Variants in CAPN11 observed in about 807,000 individuals in gnomAD.
CAPN11 encodes calpain-11.
A neutral mutation model predicts 105.3 loss-of-function variants in CAPN11; 108 were observed. The ratio of observed to expected loss-of-function variants is 1.03; its 90% confidence interval spans 0.88 to 1.20. The LOEUF is 1.20. CAPN11 is among the 50% of genes most tolerant of loss of function. CAPN11 has a pLI of 0.00. For missense variants in CAPN11, 883 were observed against 924.8 expected, an observed-to-expected ratio of 0.95 and a Z score of 0.59; for synonymous variants, 329 against 344.5, an observed-to-expected ratio of 0.96 and a Z score of 0.50.
chr6:44,183,256 C>A, intron 21 of CAPN11, 21 bp downstream of exon 21: 1 of 1,511,786 alleles, frequency 6.6e-7, no homozygotes, highest in African/African-American at 1.4e-5. Flanking sequence ...CATCTACCCA[C>A]TCCCCAGCCT....
rs1774187460 is a variant in CAPN11, at chr6:44,183,887, C to T, written c.2194-19C>T. 6.4e-7 allele frequency: 1 copy of T among 1,561,454 alleles called. No individual in the cohort carries two copies. The highest frequency in any genetic ancestry group is 2.4e-5 in the East Asian group (1 of 41,870). ...CCCCCGTCTCTTCCCACCCTGGGAT[C>T]TGCTTCCTGTCTCCACAGTGGCTGC... is the stretch of plus-strand genomic sequence containing the variant. On this transcript the variant is annotated intron_variant, in intron 22 of 22. Transcript: ENST00000398776.
At chr6:44,183,374 G>A (rs1000789100) in intron 21 of CAPN11, 139 bp downstream of exon 21, 14 of 643,002 alleles carry the variant, frequency 2.2e-5, no homozygotes, top group African/African-American at 3.6e-5. Flanking sequence ...GCCCAGCTCC[G>A]CCACTTGCTG....
At chr6:44,169,595 A>T (rs1770615868) in intron 3 of CAPN11, 64 bp downstream of exon 3, 1 of 1,440,578 alleles carries the variant, frequency 6.9e-7, no homozygotes, top group Non-Finnish European at 9.2e-7. Flanking sequence ...TCCCTCTATC[A>T]CTTTTAGAAT....
chr6:44,159,203 G>A (rs986424901), intron 1 of CAPN11, among the ~76,000 whole-genome samples: 1 of 152,194 alleles, frequency 6.6e-6, no homozygotes, highest in Non-Finnish European at 1.5e-5. Flanking sequence ...CCACTGTCAT[G>A]GCTGCTGGGG....
intron 12 of CAPN11, among the ~76,000 whole-genome samples, chr6:44,178,756 A>T (rs1208326432): frequency 6.6e-6 from 1 of 150,924 alleles, no homozygotes; most frequent in Non-Finnish European, 1.5e-5. Flanking sequence ...CGATTAAAAA[A>T]AAAAAAAAAA....
intron 7 of CAPN11, among the ~76,000 whole-genome samples, chr6:44,174,556 A>G (rs1292587942): frequency 6.6e-6 from 1 of 150,636 alleles, no homozygotes; most frequent in African/African-American, 2.4e-5. Context: ...CTGAGAAAAA[A>G]GAAAAAAAAA....
Position 44,182,818 on chromosome 6 carries a change from C to G in CAPN11, c.1939-123C>G, listed in dbSNP as rs1053406794. On this transcript the variant is annotated intron_variant, in intron 19 of 22. Transcript: ENST00000398776. ...CAAACTCCTGACCTCAGATGATCCG[C>G]CTGCCTCGGCCTTTCAAAGTGCTGG... The G allele has an allele frequency of 1.8e-5, 12 of 682,116 alleles. No homozygotes were observed. In the African/African-American group the frequency reaches 2.1e-4, roughly 12 times the overall value. The allele number at this position is 682,116 out of a possible 1,614,324, so 42.3% of individuals were successfully genotyped here.
At chr6:44,177,095 A>G (rs1473382804) in intron 11 of CAPN11, 97 bp downstream of exon 11, 2 of 1,489,430 alleles carry the variant, frequency 1.3e-6, no homozygotes, top group East Asian at 2.3e-5. Flanking sequence ...CACCGGAGTC[A>G]GGGTCCATGA....
At chr6:44,161,318 G>C (rs960799292) in intron 1 of CAPN11, among the ~76,000 whole-genome samples, 8 of 152,048 alleles carry the variant, frequency 5.3e-5, no homozygotes, top group African/African-American at 1.9e-4. Context: ...TCCTGCCTCA[G>C]CCTCCTGAAT....
At chr6:44,163,138 C>G (rs1475109684) in intron 1 of CAPN11, among the ~76,000 whole-genome samples, 1 of 152,162 alleles carries the variant, frequency 6.6e-6, no homozygotes, top group Non-Finnish European at 1.5e-5. Context: ...TCCTGAAACA[C>G]CCTCGCAGGT....
At chr6:44,177,180 C>G in intron 11 of CAPN11, 62 bp from the exon 12 acceptor site, 2 of 1,523,438 alleles carry the variant, frequency 1.3e-6, no homozygotes, top group South Asian at 2.5e-5. Flanking sequence ...CTCGGTCCAC[C>G]CTGGGAAGGG....
At chr6:44,170,518 T>C (rs1439355334) in intron 4 of CAPN11, among the ~76,000 whole-genome samples, 2 of 152,136 alleles carry the variant, frequency 1.3e-5, no homozygotes, top group Non-Finnish European at 2.9e-5. Flanking sequence ...GCTGCTTGAG[T>C]GTCCACGCAA....
chr6:44,161,213 G>GT (rs1351395955), intron 1 of CAPN11, among the ~76,000 whole-genome samples: 1 of 143,066 alleles, frequency 7.0e-6, no homozygotes, highest in Non-Finnish European at 1.5e-5. Context: ...TTGTTTGTTT[G>GT]TTTTGAGGTG....
intron 7 of CAPN11, among the ~76,000 whole-genome samples, chr6:44,175,104 A>G (rs1255242677): frequency 6.6e-6 from 1 of 152,216 alleles, no homozygotes; most frequent in Admixed American, 6.5e-5. Context: ...GAAACTACAC[A>G]TAATGGAATT....
rs1772875395 is a variant in CAPN11, at chr6:44,180,118, C to T, written c.1595C>T (p.Ala532Val). ...IPSTFEPHRD[A>V]DFLLRVFTEK... ...TCCACCTTTGAGCCACACAGAGATG[C>T]TGACTTCCTGCTTCGGGTCTTCACC... Residue 532 changes from alanine (A) to valine (V), a missense_variant, in exon 14 of 23, where the codon GCT (alanine) becomes GTT (valine). Coordinates refer to ENST00000398776, the MANE Select transcript of CAPN11 (RefSeq NM_007058.4). 6.2e-7 allele frequency: 1 copy of T among 1,613,440 alleles called. No homozygotes were observed. Among genetic ancestry groups the T allele is most frequent in the Non-Finnish European group, 8.5e-7 (1 of 1,179,762 alleles).
rs765577067 is a variant in CAPN11, at chr6:44,176,267, C to A, written c.930C>A (p.Gly310=). ...VTGLQDVHYR[G]KMETLIRVRN... is the part of the protein sequence containing the mutation. ...CGCCCACCCAGGTCCACTACAGAGG[C>A]AAAATGGAAACACTGATTCGGGTCC... Residue 310 remains glycine, a synonymous_variant, in exon 9 of 23, where the codon GGC becomes GGA. Coordinates refer to ENST00000398776, the MANE Select transcript of CAPN11 (RefSeq NM_007058.4). 2 of 1,613,900 alleles carry A rather than the reference C, an allele frequency of 1.2e-6. No homozygotes were observed. Among genetic ancestry groups the A allele is most frequent in the South Asian group, 2.2e-5 (2 of 91,080 alleles).
At chr6:44,167,555 T>TAA (rs34234150) in intron 2 of CAPN11, among the ~76,000 whole-genome samples, 1,431 of 136,672 alleles carry the variant, frequency 0.01, 29 homozygotes, top group South Asian at 0.064. Context: ...TGGAGGCCAT[T>TAA]AAAAAAAAAA....
chr6:44,161,335 G>C (rs1323103197), intron 1 of CAPN11, among the ~76,000 whole-genome samples: 1 of 152,150 alleles, frequency 6.6e-6, no homozygotes, highest in Non-Finnish European at 1.5e-5. Context: ...GAATAGCTGG[G>C]ACTACAGGCA....
At chr6:44,159,938 C>T (rs1301961364) in intron 1 of CAPN11, among the ~76,000 whole-genome samples, 1 of 151,750 alleles carries the variant, frequency 6.6e-6, no homozygotes, top group East Asian at 1.9e-4. Flanking sequence ...AGTTCGAGAC[C>T]AGCCTGGCCA....
Sources: gnomAD v4.1 joint callset for allele counts (sites outside exome capture counted in the v4.1 genomes callset) on GRCh38, gnomAD v4.1.1 for gene constraint, MANE v1.5 for transcripts, NCBI Gene and HGNC (gene_info 2026-07-23, HGNC 2026-07-21) for gene names.